UVRAG: variants seen among roughly 807,000 people sequenced by gnomAD.
UVRAG encodes UV radiation resistance associated.
Under a neutral mutation model 78.0 loss-of-function variants are expected in UVRAG, and 19 were observed. The observed-to-expected ratio is 0.24, with a 90% CI of 0.17 to 0.36. UVRAG has a LOEUF of 0.36. Ranked by LOEUF, UVRAG falls within the 10% of genes least tolerant of loss-of-function variation. UVRAG has a pLI of 1.00. For synonymous variants in UVRAG, 323 were observed against 324.6 expected, an observed-to-expected ratio of 1.00 and a Z score of 0.05; for missense variants, 740 against 853.8, an observed-to-expected ratio of 0.87 and a Z score of 1.66.
Position 76,141,250 on chromosome 11 carries a change from G to T in UVRAG, c.1937G>T (p.Gly646Val), listed in dbSNP as rs984757302. ...CTGGAAGCCACAGGTTTCGCCTCAG[G>T]TGATCAGCTAGAAGCATTTAACTGC... ...IGLEATGFAS[G>V]DQLEAFNCIP... Residue 646 changes from glycine to valine, a missense_variant, in exon 15 of 15, where the codon GGT (glycine) becomes GTT (valine). Transcript: ENST00000356136. 2 of 1,614,108 alleles carry T rather than the reference G, an allele frequency of 1.2e-6. No individual in the cohort carries two copies. Among genetic ancestry groups the T allele is most frequent in the Admixed American group, 3.3e-5 (2 of 60,006 alleles).
chr11:75,900,514 T>G (rs1258184672), intron 5 of UVRAG, among the ~76,000 whole-genome samples: 1 of 152,234 alleles, frequency 6.6e-6, no homozygotes, highest in Non-Finnish European at 1.5e-5. Context: ...CCTTTAGGGC[T>G]GAGGTTATGC....
chr11:76,104,226 A>C (rs1350068315), intron 13 of UVRAG, among the ~76,000 whole-genome samples: 1 of 152,214 alleles, frequency 6.6e-6, no homozygotes, highest in Admixed American at 6.5e-5. Context: ...TGACATAAGT[A>C]AACAGTCTAG....
intron 5 of UVRAG, among the ~76,000 whole-genome samples, chr11:75,902,776 T>C (rs1042778836): frequency 6.6e-6 from 1 of 152,192 alleles, no homozygotes; most frequent in African/African-American, 2.4e-5. Flanking sequence ...TCCCTCTCCA[T>C]TGACATAATC....
Position 75,846,076 on chromosome 11 carries a change from T to C in UVRAG, c.118-5807T>C, listed in dbSNP as rs557187106. ...TAAAAATGTTTGGCTTAAATATCTG[T>C]AGCTGGACCATTAATTCTAAACAGA... On this transcript the variant is annotated intron_variant, in intron 1 of 14. Transcript: ENST00000356136. Among the ~76,000 whole-genome samples, 421 of 152,246 alleles carry C rather than the reference T, an allele frequency of 2.8e-3. 1 individual carries two copies. Among genetic ancestry groups the C allele is most frequent in the Non-Finnish European group, 5.4e-3 (368 of 68,036 alleles).
intron 12 of UVRAG, among the ~76,000 whole-genome samples, chr11:76,024,368 T>A (rs988751030): frequency 4.6e-5 from 7 of 152,174 alleles, no homozygotes; most frequent in African/African-American, 1.7e-4. Flanking sequence ...TGGTTTTAGG[T>A]GATTATGTTA....
chr11:75,859,603 T>C (rs958392194), intron 2 of UVRAG, among the ~76,000 whole-genome samples: 7 of 152,132 alleles, frequency 4.6e-5, no homozygotes, highest in African/African-American at 1.4e-4. Context: ...CATTCTCCTT[T>C]GAAAGATGAA....
At chr11:75,983,581 A>C in intron 8 of UVRAG, 68 bp downstream of exon 8, 1 of 1,479,272 alleles carries the variant, frequency 6.8e-7, no homozygotes, top group South Asian at 1.5e-5. Context: ...TCTTCTTCAC[A>C]AGCTCAAATA....
intron 12 of UVRAG, among the ~76,000 whole-genome samples, chr11:76,049,000 A>G (rs974256284): frequency 3.3e-5 from 5 of 152,276 alleles, no homozygotes; most frequent in African/African-American, 1.2e-4. Flanking sequence ...GCGCAAGCGC[A>G]CAGTATCATA....
At chr11:76,070,715 C>T (rs920692759) in intron 13 of UVRAG, among the ~76,000 whole-genome samples, 1 of 152,146 alleles carries the variant, frequency 6.6e-6, no homozygotes, top group African/African-American at 2.4e-5. Context: ...TACACTAGAT[C>T]CCTGATCCCT....
At chr11:75,898,717 C>T (rs1947411471) in intron 5 of UVRAG, among the ~76,000 whole-genome samples, 1 of 152,150 alleles carries the variant, frequency 6.6e-6, no homozygotes, top group African/African-American at 2.4e-5. Flanking sequence ...TGATTATATA[C>T]TGTTAGCGAC....
chr11:76,133,124 C>T (rs966970817), intron 14 of UVRAG, among the ~76,000 whole-genome samples: 4 of 152,234 alleles, frequency 2.6e-5, no homozygotes, highest in East Asian at 1.9e-4. Context: ...TAATCCATAG[C>T]GCTTTATAAA....
chr11:75,878,830 C>T (rs958224458), intron 3 of UVRAG, among the ~76,000 whole-genome samples: 35 of 140,430 alleles, frequency 2.5e-4, no homozygotes, highest in Middle Eastern at 3.5e-3. Flanking sequence ...AGCTTCAGCT[C>T]GGCATCAGAG....
intron 5 of UVRAG, among the ~76,000 whole-genome samples, chr11:75,904,186 A>G (rs569737926): frequency 2.0e-5 from 3 of 152,342 alleles, no homozygotes; most frequent in Non-Finnish European, 2.9e-5. Context: ...TCATCTAGAA[A>G]TACACCTGAC....
chr11:76,101,774 G>C (rs1019964290), intron 13 of UVRAG, among the ~76,000 whole-genome samples: 4 of 152,064 alleles, frequency 2.6e-5, no homozygotes, highest in East Asian at 3.9e-4. Flanking sequence ...TAAGGAAGGG[G>C]GTTCAATTTC....
intron 13 of UVRAG, among the ~76,000 whole-genome samples, chr11:76,081,685 G>A (rs75655941): frequency 6.6e-6 from 1 of 151,994 alleles, no homozygotes; most frequent in Non-Finnish European, 1.5e-5. Flanking sequence ...TAAATTAGAG[G>A]TGATGGGAGG....
At chr11:75,878,706 T>A (rs546932029) in intron 3 of UVRAG, among the ~76,000 whole-genome samples, 1 of 152,194 alleles carries the variant, frequency 6.6e-6, no homozygotes, top group South Asian at 2.1e-4. Flanking sequence ...CAAAAAAATA[T>A]GAAAACCAGT....
At chr11:75,952,183 A>G (rs1948715203) in intron 6 of UVRAG, among the ~76,000 whole-genome samples, 1 of 152,160 alleles carries the variant, frequency 6.6e-6, no homozygotes, top group Non-Finnish European at 1.5e-5. Flanking sequence ...GTTGGATTGT[A>G]GATTTCTTTG....
intron 6 of UVRAG, among the ~76,000 whole-genome samples, chr11:75,948,238 A>C (rs893413075): frequency 5.3e-5 from 8 of 152,114 alleles, no homozygotes; most frequent in Admixed American, 2.0e-4. Context: ...TACCTCTTAC[A>C]TCATTGTTTT....
chr11:76,128,829 T>C (rs573422820), intron 14 of UVRAG, among the ~76,000 whole-genome samples: 8 of 152,286 alleles, frequency 5.3e-5, no homozygotes, highest in African/African-American at 1.9e-4. Context: ...CCCTGTGTTT[T>C]GTTTTGTTTT....
Sources: allele counts gnomAD v4.1 joint callset (sites outside exome capture counted in the v4.1 genomes callset), GRCh38; gene constraint gnomAD v4.1.1; transcripts MANE v1.5; gene names NCBI Gene and HGNC (gene_info 2026-07-23, HGNC 2026-07-21).